CCDC102B: variants seen among roughly 807,000 people sequenced by gnomAD.
The protein encoded by CCDC102B is coiled-coil domain containing 102B.
Under a neutral mutation model 57.4 loss-of-function variants are expected in CCDC102B, and 75 were observed. That is an observed-to-expected ratio of 1.31 (90% CI 1.08 to 1.58). The LOEUF (loss-of-function observed/expected upper bound fraction) is 1.58. Ranked by LOEUF, CCDC102B falls within the 40% of genes most tolerant of loss-of-function variation. The pLI is 0.00. For synonymous variants in CCDC102B, 206 were observed against 201.9 expected (o/e 1.02, Z -0.17); for missense variants, 636 against 582.6 (o/e 1.09, Z -0.94).
intron 3 of CCDC102B, among the ~76,000 whole-genome samples, chr18:68,845,201 T>C (rs2144813850): frequency 6.6e-6 from 1 of 152,006 alleles, no homozygotes; most frequent in Admixed American, 6.6e-5. Context: ...ATCATAGTAT[T>C]GTTACCAGGA....
chr18:68,723,524 A>G (rs2032454537), intron 2 of CCDC102B, among the ~76,000 whole-genome samples: 1 of 152,232 alleles, frequency 6.6e-6, no homozygotes, highest in Admixed American at 6.5e-5. Context: ...AGGATTGGAT[A>G]AATACAACCA....
chr18:68,870,357 A>C (rs541622083), intron 4 of CCDC102B, among the ~76,000 whole-genome samples: 234 of 152,300 alleles, frequency 1.5e-3, no homozygotes, highest in Middle Eastern at 6.8e-3. Flanking sequence ...TTAAAGTATA[A>C]TCATAATAGT....
chr18:68,989,537 A>G (rs1673200595), intron 6 of CCDC102B, among the ~76,000 whole-genome samples: 2 of 152,364 alleles, frequency 1.3e-5, no homozygotes, highest in Admixed American at 6.5e-5. Context: ...CTGGATGTTA[A>G]CAATGGTCCA....
At position 68,745,145 on chromosome 18, in the gene CCDC102B, A is replaced by G. The variant is rs62100011; in HGVS notation, c.-67+28551A>G. ...GGAGAGGAGGCAGTGGAAGTGATGGACTTCTTGTAATTTGAGAAGAAGTGG... is the reference window on the plus strand; with the variant it reads ...GGAGAGGAGGCAGTGGAAGTGATGGGCTTCTTGTAATTTGAGAAGAAGTGG... On this transcript the variant is annotated intron_variant, in intron 2 of 3. Transcript: ENST00000578970. Among the ~76,000 whole-genome samples the G allele has an allele frequency of 4.6e-3, 694 of 152,138 alleles. 6 individuals are homozygous for G. Among genetic ancestry groups the G allele is most frequent in the Non-Finnish European group, 6.4e-3 (436 of 68,008 alleles).
rs745670285 is a variant in CCDC102B, at chr18:68,837,411, A to T, written c.606+42A>T. 4 of 1,550,944 alleles carry T rather than the reference A, an allele frequency of 2.6e-6. No individual in the cohort carries two copies. The South Asian group carries it at 4.9e-5, about 19-fold the overall frequency. On this transcript the variant is annotated intron_variant, in intron 2 of 7. Transcript: ENST00000360242. ...GAGATGATGTGAATTTCTGAAGGTCATATATAGTGATGGGGAGGAAGAAGG... is the reference window on the plus strand; with the variant it reads ...GAGATGATGTGAATTTCTGAAGGTCTTATATAGTGATGGGGAGGAAGAAGG...
chr18:68,838,088 G>A (rs1346531449), intron 2 of CCDC102B, among the ~76,000 whole-genome samples: 1 of 152,114 alleles, frequency 6.6e-6, no homozygotes, highest in African/African-American at 2.4e-5. Context: ...AATTTAAATT[G>A]TAGGCAAATA....
In CCDC102B at chr18:68,771,011, T is replaced by A. The variant is rs563497603; in HGVS notation, c.-66-52355T>A. On this transcript the variant is annotated intron_variant, in intron 2 of 3. Transcript: ENST00000578970. Reference sequence around the variant, plus strand: ...ATCAGTAGGTTAAAATAAATGGTTCTGCAGGGACCTAGATTGATATTAATG... The same window carrying A: ...ATCAGTAGGTTAAAATAAATGGTTCAGCAGGGACCTAGATTGATATTAATG... 1.5e-4 allele frequency among the ~76,000 whole-genome samples: 23 copies of A among 152,364 alleles called. 1 individual carries two copies. Among genetic ancestry groups the A allele is most frequent in the South Asian group, 8.3e-4 (4 of 4,830 alleles).
chr18:68,820,434 A>G (rs1021979322), intron 1 of CCDC102B, among the ~76,000 whole-genome samples: 1 of 152,130 alleles, frequency 6.6e-6, no homozygotes, highest in South Asian at 2.1e-4. Context: ...TGTTTTAAAC[A>G]CCAAATTTCT....
intron 6 of CCDC102B, among the ~76,000 whole-genome samples, chr18:68,923,151 C>T (rs779423267): frequency 6.7e-6 from 1 of 149,836 alleles, no homozygotes; most frequent in Non-Finnish European, 1.5e-5. Flanking sequence ...TATAAACATA[C>T]AGAAACATAC....
chr18:69,006,315 G>A (rs182053489), intron 6 of CCDC102B, among the ~76,000 whole-genome samples: 1 of 152,290 alleles, frequency 6.6e-6, no homozygotes, highest in African/African-American at 2.4e-5. Flanking sequence ...CAAAATGAGT[G>A]TGTGGGGAGA....
chr18:68,933,154 G>A (rs1213357231), intron 6 of CCDC102B, among the ~76,000 whole-genome samples: 2 of 151,758 alleles, frequency 1.3e-5, no homozygotes, highest in Non-Finnish European at 2.9e-5. Context: ...TTATAAGGGA[G>A]GAAATTGAAG....
At chr18:69,010,033 G>A (rs1369114388) in intron 6 of CCDC102B, among the ~76,000 whole-genome samples, 1 of 139,112 alleles carries the variant, frequency 7.2e-6, no homozygotes, top group Non-Finnish European at 1.5e-5. Flanking sequence ...CCGGGTTCAC[G>A]CCATTTTCCT....
chr18:68,952,057 C>T lies in CCDC102B; in HGVS notation c.1263+54629C>T, dbSNP rs559878762. Among the ~76,000 whole-genome samples, 22 of 152,044 alleles carry T rather than the reference C, an allele frequency of 1.4e-4. No homozygotes were observed. In the East Asian group the frequency reaches 2.7e-3, roughly 19 times the overall value. ...GCATTCCAGTGTGTAAAGTGACATC[C>T]GTTTTATTTCTCCATTTAAAATGAA... On this transcript the variant is annotated intron_variant, in intron 6 of 7. Coordinates refer to ENST00000360242, the MANE Select transcript of CCDC102B (RefSeq NM_024781.3).
intron 6 of CCDC102B, among the ~76,000 whole-genome samples, chr18:68,910,841 A>G (rs540035421): frequency 6.6e-6 from 1 of 152,268 alleles, no homozygotes; most frequent in Non-Finnish European, 1.5e-5. Flanking sequence ...GCTGTGCCAT[A>G]AGAACCAATG....
At chr18:69,026,031 T>G (rs1450708783) in intron 7 of CCDC102B, among the ~76,000 whole-genome samples, 1 of 152,094 alleles carries the variant, frequency 6.6e-6, no homozygotes, top group African/African-American at 2.4e-5. Flanking sequence ...TTGTGCACAA[T>G]CCTTGTCAAG....
chr18:68,760,908 G>A (rs368531237), intron 2 of CCDC102B, among the ~76,000 whole-genome samples: 6 of 152,108 alleles, frequency 3.9e-5, no homozygotes, highest in African/African-American at 1.4e-4. Flanking sequence ...CTTCATCCTG[G>A]AGTAAGAGCC....
intron 4 of CCDC102B, among the ~76,000 whole-genome samples, chr18:68,865,556 T>G (rs1043145717): frequency 6.6e-6 from 1 of 152,182 alleles, no homozygotes; most frequent in Non-Finnish European, 1.5e-5. Flanking sequence ...TATTCATAAA[T>G]TAATCTGCCT....
At chr18:68,976,347 G>A (rs753432833) in intron 6 of CCDC102B, among the ~76,000 whole-genome samples, 7 of 151,844 alleles carry the variant, frequency 4.6e-5, no homozygotes, top group Non-Finnish European at 8.8e-5. Context: ...GTGTGAATTC[G>A]TGTAGAAATT....
At chr18:69,018,270 C>A (rs2051724850) in intron 7 of CCDC102B, among the ~76,000 whole-genome samples, 2 of 152,176 alleles carry the variant, frequency 1.3e-5, no homozygotes, top group South Asian at 4.1e-4. Context: ...TATATACATG[C>A]ACCTATATGT....
Sources: gnomAD v4.1 joint callset for allele counts (sites outside exome capture counted in the v4.1 genomes callset) on GRCh38, gnomAD v4.1.1 for gene constraint, MANE v1.5 for transcripts, NCBI Gene and HGNC (gene_info 2026-07-23, HGNC 2026-07-21) for gene names.